Variants in OTOP1 observed in about 807,000 individuals in gnomAD.
The protein encoded by OTOP1 is proton channel OTOP1.
In OTOP1, 59 loss-of-function variants were observed where a neutral mutation model predicts 52.9. That is an observed-to-expected ratio of 1.12 (90% CI 0.91 to 1.39). The LOEUF (loss-of-function observed/expected upper bound fraction) is 1.39, where lower values mean the gene tolerates loss of function less well. Among genes scored for constraint, OTOP1 ranks in the 40% most tolerant of loss-of-function variants. OTOP1 has a pLI of 0.00. For synonymous variants in OTOP1, 317 were observed against 337.7 expected (o/e 0.94, Z 0.67); for missense variants, 761 against 800.9 (o/e 0.95, Z 0.60).
chr4:4,216,497 T>C (rs935305492), intron 1 of OTOP1, among the ~76,000 whole-genome samples: 1 of 152,146 alleles, frequency 6.6e-6, no homozygotes, highest in African/African-American at 2.4e-5. Flanking sequence ...AGCCATAACA[T>C]TGGGCTATAA....
intron 4 of OTOP1, among the ~76,000 whole-genome samples, chr4:4,199,055 G>C (rs576085335): frequency 5.9e-4 from 90 of 152,200 alleles, no homozygotes; most frequent in Middle Eastern, 3.4e-3. Context: ...GCCAGGTGTG[G>C]TGGCAAGCCT....
In OTOP1 at chr4:4,189,973, G is replaced by A. The variant is rs1324367503; in HGVS notation, c.1669-1000C>T. 3.3e-5 allele frequency among the ~76,000 whole-genome samples: 5 copies of A among 152,328 alleles called. No individual in the cohort carries two copies. The East Asian group carries it at 7.7e-4, about 23-fold the overall frequency. Reference sequence around the variant, plus strand: ...GAGACTCTCAGCTAAAACTGTAGTTGGATTCATAAGTCAGAGAAACTATGA... The same window carrying A: ...GAGACTCTCAGCTAAAACTGTAGTTAGATTCATAAGTCAGAGAAACTATGA... On this transcript the variant is annotated intron_variant, in intron 5 of 5. Coordinates refer to ENST00000296358, the MANE Select transcript of OTOP1 (RefSeq NM_177998.3).
At chr4:4,215,840 C>T (rs1278827689) in intron 1 of OTOP1, among the ~76,000 whole-genome samples, 2 of 151,992 alleles carry the variant, frequency 1.3e-5, no homozygotes, top group African/African-American at 4.8e-5. Flanking sequence ...GTCACCCAGG[C>T]TGGAGTGCAG....
intron 2 of OTOP1, 56 bp from the exon 3 acceptor site, chr4:4,206,186 T>TG: frequency 7.1e-7 from 1 of 1,399,694 alleles, no homozygotes; most frequent in Admixed American, 1.9e-5. Context: ...TCTTTACACT[T>TG]GCAAACTTGA....
chr4:4,201,168 C>A (rs1490846846), intron 4 of OTOP1, among the ~76,000 whole-genome samples: 1 of 152,162 alleles, frequency 6.6e-6, no homozygotes, highest in Non-Finnish European at 1.5e-5. Flanking sequence ...GTGGCTCATG[C>A]CTGTAATCCC....
chr4:4,203,086 G>A (rs763643731), intron 3 of OTOP1, among the ~76,000 whole-genome samples: 1 of 152,262 alleles, frequency 6.6e-6, no homozygotes, highest in Non-Finnish European at 1.5e-5. Flanking sequence ...ACAAGCCAGA[G>A]ACTACTTGGC....
chr4:4,216,401 G>T (rs1286611842), intron 1 of OTOP1, among the ~76,000 whole-genome samples: 1 of 152,142 alleles, frequency 6.6e-6, no homozygotes, highest in African/African-American at 2.4e-5. Context: ...AGCATTGACC[G>T]CCATTTATAC....
At chr4:4,210,162 C>T (rs183832643) in intron 2 of OTOP1, among the ~76,000 whole-genome samples, 2 of 152,270 alleles carry the variant, frequency 1.3e-5, no homozygotes, top group Admixed American at 6.5e-5. Context: ...ATGCTGAGAA[C>T]AATATTCGTC....
At chr4:4,203,680 G>A (rs1386783059) in intron 3 of OTOP1, among the ~76,000 whole-genome samples, 1 of 152,192 alleles carries the variant, frequency 6.6e-6, no homozygotes, top group Non-Finnish European at 1.5e-5. Context: ...TATTCACATT[G>A]GTAGCTTTCA....
intron 2 of OTOP1, among the ~76,000 whole-genome samples, 160 bp from the exon 3 acceptor site, chr4:4,206,290 G>A (rs183616011): frequency 2.0e-5 from 3 of 152,272 alleles, no homozygotes; most frequent in Admixed American, 2.0e-4. Flanking sequence ...TCCTCAATGG[G>A]GACAATGATC....
At chr4:4,208,756 G>T (rs185726150) in intron 2 of OTOP1, among the ~76,000 whole-genome samples, 4 of 148,108 alleles carry the variant, frequency 2.7e-5, no homozygotes, top group Non-Finnish European at 5.9e-5. Flanking sequence ...AACTAAGATG[G>T]TAAGTGTTAT....
At chr4:4,221,171 C>T (rs1717294376) in intron 1 of OTOP1, among the ~76,000 whole-genome samples, 2 of 151,494 alleles carry the variant, frequency 1.3e-5, no homozygotes, top group African/African-American at 4.9e-5. Context: ...ACCCTGCCTC[C>T]TGGGTTCAAG....
chr4:4,220,837 A>T (rs1031975823), intron 1 of OTOP1, among the ~76,000 whole-genome samples: 3 of 152,090 alleles, frequency 2.0e-5, no homozygotes, highest in African/African-American at 7.2e-5. Context: ...CTAGGAGTCT[A>T]GAATCTTGAA....
At chr4:4,212,697 G>T (rs888285240) in intron 2 of OTOP1, among the ~76,000 whole-genome samples, 171 bp downstream of exon 2, 2 of 152,138 alleles carry the variant, frequency 1.3e-5, no homozygotes, top group African/African-American at 4.8e-5. Flanking sequence ...GTTTTATTTT[G>T]CAATGGAGGC....
At chr4:4,201,382 A>T (rs1358538858) in intron 4 of OTOP1, among the ~76,000 whole-genome samples, 1 of 151,904 alleles carries the variant, frequency 6.6e-6, no homozygotes, top group Non-Finnish European at 1.5e-5. Flanking sequence ...AGCCGAGGTC[A>T]CGCCACTGTA....
In OTOP1 at chr4:4,188,808, T is replaced by A. The variant is rs1199065336; in HGVS notation, c.1834A>T (p.Ile612Leu). 1.2e-6 allele frequency: 2 copies of A among 1,612,280 alleles called. No individual in the cohort carries two copies. The highest frequency in any genetic ancestry group is 2.7e-5 in the African/African-American group (2 of 74,880). ...AASLFEVYCKI is the reference protein window; with the variant it reads ...AASLFEVYCKL ...AGGTCTCTTGTGGACCCAGACTATA[T>A]CTTACAATAGACCTCAAAGAGGGAG... The change falls in exon 6 of 6, where the codon ATA (isoleucine) becomes TTA (leucine). Residue 612 changes from isoleucine (I) to leucine (L), a missense_variant. This residue lies in a region of OTOP1 where 632 missense variants were observed against 619.5 expected (regional missense o/e 1.02). Transcript: ENST00000296358.
At chr4:4,198,745 G>A (rs1716709724) in intron 4 of OTOP1, among the ~76,000 whole-genome samples, 1 of 152,142 alleles carries the variant, frequency 6.6e-6, no homozygotes, top group South Asian at 2.1e-4. Flanking sequence ...GCTGCGGTAT[G>A]GAGGGCCTTC....
At chr4:4,206,793 T>C (rs16835342) in intron 2 of OTOP1, among the ~76,000 whole-genome samples, 8,046 of 152,258 alleles carry the variant, frequency 0.053, 372 homozygotes, top group Admixed American at 0.15. Context: ...TAGAGGATGT[T>C]GTGAGCAATT....
At chr4:4,226,390 G>A in intron 1 of OTOP1, 72 bp downstream of exon 1, 1 of 1,328,738 alleles carries the variant, frequency 7.5e-7, no homozygotes, top group Admixed American at 3.6e-5. Context: ...GGTAGGAAGG[G>A]CGCAGAGCAG....
Sources: allele counts gnomAD v4.1 joint callset (sites outside exome capture counted in the v4.1 genomes callset), GRCh38; gene constraint gnomAD v4.1.1; regional missense constraint gnomAD v4.1.1; transcripts MANE v1.5; gene names NCBI Gene and HGNC (gene_info 2026-07-23, HGNC 2026-07-21).